Variants in MYEF2 observed in about 807,000 individuals in gnomAD.
MYEF2 encodes the protein myelin expression factor 2.
A neutral mutation model predicts 75.2 loss-of-function variants in MYEF2; 37 were observed. The ratio of observed to expected loss-of-function variants is 0.49; its 90% CI spans 0.38 to 0.65. The LOEUF (loss-of-function observed/expected upper bound fraction) is 0.65, where lower values mean the gene tolerates loss of function less well. Ranked by LOEUF, MYEF2 falls within the 30% of genes least tolerant of loss-of-function variation. MYEF2 has a pLI of 0.00. For missense variants in MYEF2, 634 were observed against 771.4 expected, an observed-to-expected ratio of 0.82 and a Z score of 2.11; for synonymous variants, 195 against 241.6, an observed-to-expected ratio of 0.81 and a Z score of 1.79.
chr15:48,161,301 T>C (rs2039933717), intron 5 of MYEF2, among the ~76,000 whole-genome samples: 1 of 152,092 alleles, frequency 6.6e-6, no homozygotes, highest in African/African-American at 2.4e-5. Context: ...TAGCAGTTTA[T>C]AACTGCTACT....
chr15:48,143,872 C>A (rs2039177218), intron 16 of MYEF2, among the ~76,000 whole-genome samples: 2 of 151,988 alleles, frequency 1.3e-5, no homozygotes, highest in Non-Finnish European at 2.9e-5. Flanking sequence ...CATAAGAATT[C>A]ATCACTACAA....
chr15:48,156,214 CTTAAGGAG>C (rs1378873523), intron 9 of MYEF2, among the ~76,000 whole-genome samples: 1 of 152,162 alleles, frequency 6.6e-6, no homozygotes, highest in East Asian at 1.9e-4. Context: ...AAGCATTCAA[CTTAAGGAG>C]TTAGGACAAA....
rs1304898881 is a variant in MYEF2 at position 48,138,277 on chromosome 15, T to G, written c.*4631A>C. On this transcript the variant is annotated 3_prime_UTR_variant, in exon 17 of 17. Transcript: ENST00000324324. ...ATGCCATACAAATTTTGAACATTTTTGAATTCGAATTTTTATCCAATATAT... is the reference window on the plus strand; with the variant it reads ...ATGCCATACAAATTTTGAACATTTTGGAATTCGAATTTTTATCCAATATAT... 6.6e-6 allele frequency: 1 copy of G among 152,052 alleles called. No individual in the cohort carries two copies. Among genetic ancestry groups the G allele is most frequent in the Non-Finnish European group, 1.5e-5 (1 of 67,940 alleles). The allele number at this position is 152,052 out of a possible 1,614,324, so 9.4% of individuals were successfully genotyped here. A position where few individuals can be genotyped will look rare whatever the true frequency, so the allele number is the denominator to read the frequency against.
intron 1 of MYEF2, among the ~76,000 whole-genome samples, chr15:48,177,861 G>A (rs1237345933): frequency 6.6e-6 from 1 of 152,146 alleles, no homozygotes; most frequent in African/African-American, 2.4e-5. Flanking sequence ...CGGGCCCCCA[G>A]CCCCGGCTCC....
intron 5 of MYEF2, among the ~76,000 whole-genome samples, chr15:48,164,066 T>C (rs1348137060): frequency 6.6e-6 from 1 of 152,188 alleles, no homozygotes; most frequent in Non-Finnish European, 1.5e-5. Context: ...CCTGATTATT[T>C]AAGAAATACA....
Position 48,139,326 on chromosome 15 carries a change from T to C in MYEF2, c.*3582A>G. The C allele has an allele frequency of 1.7e-6, 1 of 590,940 alleles. No individual in the cohort carries two copies. Among genetic ancestry groups the C allele is most frequent in the Admixed American group, 3.0e-5 (1 of 33,208 alleles). 36.6% of individuals were successfully genotyped at this position (590,940 alleles called of 1,614,324 possible). Reference sequence around the variant, plus strand: ...TTTACAAAATGATTAAGTATTACTATAACAAGATCACTGGAGTTTGTGAGT... The same window carrying C: ...TTTACAAAATGATTAAGTATTACTACAACAAGATCACTGGAGTTTGTGAGT... On this transcript the variant is annotated 3_prime_UTR_variant, in exon 17 of 17. Transcript: ENST00000324324.
intron 3 of MYEF2, 114 bp downstream of exon 3, chr15:48,167,235 T>TTTG: frequency 9.6e-7 from 1 of 1,042,992 alleles, no homozygotes; most frequent in East Asian, 2.5e-5. Context: ...TCTTGCATAA[T>TTTG]AAAGTAAAAC....
In MYEF2 at chr15:48,150,991, A is replaced by G. The variant is rs2039470455; in HGVS notation, c.1378+109T>C. ...AAGGTTTCTCAAATTATAGCAAGAC[A>G]CATTAACGTATAAGAACAAAGTATT... On this transcript the variant is annotated intron_variant, in intron 14 of 16. Coordinates refer to ENST00000324324, the MANE Select transcript of MYEF2 (RefSeq NM_016132.5). The G allele has an allele frequency of 5.0e-6, 3 of 598,834 alleles. No homozygotes were observed. The Admixed American group carries it at 9.1e-5, about 18-fold the overall frequency. 37.1% of individuals were successfully genotyped at this position (598,834 alleles called of 1,614,324 possible).
intron 1 of MYEF2, chr15:48,170,050 G>A (rs2040269097): frequency 6.6e-6 from 1 of 152,112 alleles, no homozygotes; most frequent in Non-Finnish European, 1.5e-5. Flanking sequence ...ATTTTAAAAT[G>A]CAATTTACTT....
At chr15:48,159,433 CGTGT>C (rs745561921) in intron 6 of MYEF2, among the ~76,000 whole-genome samples, 176 bp downstream of exon 6, 4 of 150,280 alleles carry the variant, frequency 2.7e-5, no homozygotes, top group South Asian at 2.1e-4. Flanking sequence ...TAACCTTGTG[CGTGT>C]GTGTGTGTGT....
chr15:48,151,916 T>C lies in MYEF2; in HGVS notation c.1165A>G (p.Met389Val). The change falls in exon 12 of 17, where the codon ATG (methionine) becomes GTG (valine). Residue 389 changes from methionine (M) to valine (V), a missense_variant. Met to Val is a conservative substitution (Grantham distance 21, BLOSUM62 1). Coordinates refer to ENST00000324324, the MANE Select transcript of MYEF2 (RefSeq NM_016132.5). ...GGIGFGGLEAMNSMGGFGGVG... is the reference protein window; with the variant it reads ...GGIGFGGLEAVNSMGGFGGVG... ...CCTCCAAATCCTCCCATGCTATTCA[T>C]TGCTTCCAGACCACCAAACCCTATT... 1 of 1,613,514 alleles carries C rather than the reference T, an allele frequency of 6.2e-7. No homozygotes were observed. Among genetic ancestry groups the C allele is most frequent in the Non-Finnish European group, 8.5e-7 (1 of 1,179,584 alleles).
chr15:48,168,472 G>A (rs2040209822), intron 2 of MYEF2, among the ~76,000 whole-genome samples, 159 bp downstream of exon 2: 1 of 152,084 alleles, frequency 6.6e-6, no homozygotes, highest in Admixed American at 6.5e-5. Flanking sequence ...TAATGAAATT[G>A]TGTCAAGAGA....
At chr15:48,151,996 G>T in intron 11 of MYEF2, 54 bp from the exon 12 acceptor site, 1 of 1,548,944 alleles carries the variant, frequency 6.5e-7, no homozygotes, top group Non-Finnish European at 8.9e-7. Context: ...TAGCTGAAAG[G>T]TACGTTTTGT....
intron 1 of MYEF2, among the ~76,000 whole-genome samples, chr15:48,176,219 TAAAAAA>T (rs1023560411): frequency 1.9e-4 from 12 of 63,140 alleles, no homozygotes; most frequent in Non-Finnish European, 7.0e-5. Context: ...GTTCACGAAG[TAAAAAA>T]AAAAAAAAAA....
At chr15:48,160,667 T>C (rs1240680078) in intron 5 of MYEF2, among the ~76,000 whole-genome samples, 2 of 84,958 alleles carry the variant, frequency 2.4e-5, no homozygotes, top group Non-Finnish European at 5.3e-5. Flanking sequence ...ATCACTTCTC[T>C]ATCTTTAGGC....
At position 48,164,877 on chromosome 15, in the gene MYEF2, T is replaced by C. The variant is rs950632827; in HGVS notation, c.525+1056A>G. ...ATGCTATTGCACACTTTAAACAGAATATAGTATAAACGTAACTTTTATGTG... is the reference window on the plus strand; with the variant it reads ...ATGCTATTGCACACTTTAAACAGAACATAGTATAAACGTAACTTTTATGTG... On this transcript the variant is annotated intron_variant, in intron 5 of 16. Coordinates refer to ENST00000324324, the MANE Select transcript of MYEF2 (RefSeq NM_016132.5). Among the ~76,000 whole-genome samples, 19 of 152,198 alleles carry C rather than the reference T, an allele frequency of 1.2e-4. 1 individual carries two copies. The highest frequency in any genetic ancestry group is 6.5e-5 in the Admixed American group (1 of 15,274).
chr15:48,162,290 T>G (rs1310241844), intron 5 of MYEF2, among the ~76,000 whole-genome samples: 1 of 152,184 alleles, frequency 6.6e-6, no homozygotes, highest in Non-Finnish European at 1.5e-5. Flanking sequence ...TTGAGCACTG[T>G]GCTTAGTGCT....
rs1326909310 is a variant in MYEF2, at chr15:48,159,690, T to G, written c.640A>C (p.Asn214His). The G allele has an allele frequency of 1.9e-6, 3 of 1,613,624 alleles. No individual in the cohort carries two copies. Among genetic ancestry groups the G allele is most frequent in the Non-Finnish European group, 2.5e-6 (3 of 1,179,680 alleles). ...GLMNLPPSIL[N>H]NPNIPPEVIS... ...ACTTCAGGAGGAATGTTTGGATTAT[T>G]GAGTATGGAAGGTGGTAAATTCATC... The change falls in exon 6 of 17, where the codon AAT becomes CAT. Residue 214 changes from asparagine to histidine, a missense_variant. By Grantham distance (68) the Asn-to-His change is moderately conservative. Transcript: ENST00000324324.
At chr15:48,153,694 T>G in intron 10 of MYEF2, 98 bp downstream of exon 10, 1 of 921,468 alleles carries the variant, frequency 1.1e-6, no homozygotes, top group Non-Finnish European at 1.7e-6. Flanking sequence ...AACTATTAAT[T>G]AGAGTCCTTT....
Sources: gnomAD v4.1 joint callset for allele counts (sites outside exome capture counted in the v4.1 genomes callset) on GRCh38, gnomAD v4.1.1 for gene constraint, MANE v1.5 for transcripts, NCBI Gene and HGNC (gene_info 2026-07-23, HGNC 2026-07-21) for gene names.